PDK3: variants seen among roughly 807,000 people sequenced by gnomAD.
PDK3 encodes the protein pyruvate dehydrogenase kinase, isozyme 3.
Under a neutral mutation model 32.0 loss-of-function variants are expected in PDK3, and 12 were observed. That is an observed-to-expected ratio of 0.37 (90% CI 0.24 to 0.61). The LOEUF is 0.61. Ranked by LOEUF, PDK3 falls within the 20% of genes least tolerant of loss-of-function variation. The pLI, the probability that PDK3 is intolerant of heterozygous loss-of-function variation, is 0.65. For synonymous variants in PDK3, 122 were observed against 116.3 expected, an observed-to-expected ratio of 1.05 and a Z score of -0.31; for missense variants, 188 against 316.9, an observed-to-expected ratio of 0.59 and a Z score of 3.09.
At chrX:24,495,928 G>A (rs759473253) in intron 2 of PDK3, among the ~76,000 whole-genome samples, 1 of 111,984 alleles carries the variant, frequency 8.9e-6, no homozygotes, top group Non-Finnish European at 1.9e-5. Context: ...TATCATTCAG[G>A]TAGTTCCAAG....
rs140624135 is a variant in PDK3, at chrX:24,466,201, T to C, written c.106+640T>C. Among the ~76,000 whole-genome samples, 532 of 111,298 alleles carry C rather than the reference T, an allele frequency of 4.8e-3. 4 individuals carry two copies. Among genetic ancestry groups the C allele is most frequent in the African/African-American group, 0.016 (503 of 30,623 alleles). On this transcript the variant is annotated intron_variant, in intron 1 of 10. Coordinates refer to ENST00000379162, the MANE Select transcript of PDK3 (RefSeq NM_005391.5). ...CAGCACCTTTCGTTTCTCTTCTCCA[T>C]TGGTGTCCCACCCACATTCTCCCTG...
intron 5 of PDK3, among the ~76,000 whole-genome samples, chrX:24,507,630 T>C (rs1464622617): frequency 8.9e-6 from 1 of 112,484 alleles, no homozygotes; most frequent in Non-Finnish European, 1.9e-5. Flanking sequence ...TGGCTTCCCA[T>C]GTACGCCATT....
At chrX:24,512,229 T>C (rs1353449667) in intron 5 of PDK3, among the ~76,000 whole-genome samples, 2 of 111,772 alleles carry the variant, frequency 1.8e-5, no homozygotes, top group Non-Finnish European at 3.8e-5. Context: ...AGCTAGGAAA[T>C]AAAATGGAAA....
At chrX:24,529,930 G>A (rs1348756845) in intron 9 of PDK3, among the ~76,000 whole-genome samples, 1 of 111,530 alleles carries the variant, frequency 9.0e-6, no homozygotes, top group Non-Finnish European at 1.9e-5. Context: ...TCCACCCAGC[G>A]AACTCCTGCT....
chrX:24,525,594 C>T (rs369014318), intron 6 of PDK3, among the ~76,000 whole-genome samples: 1 of 111,722 alleles, frequency 9.0e-6, no homozygotes, highest in South Asian at 3.7e-4. Flanking sequence ...TATTGCTTCA[C>T]CTGGGTTTTG....
exon 12 of PDK3, chrX:24,548,845 T>C (rs993245873): frequency 3.6e-5 from 4 of 112,046 alleles, no homozygotes; most frequent in African/African-American, 1.3e-4. Context: ...GTGTCCGCCA[T>C]TGAGCCGTGC....
In PDK3 at chrX:24,498,874, C is replaced by A; in HGVS notation, c.294C>A (p.Ser98Arg). The part of the protein sequence containing the change: ...FLELLEYENK[S>R]PEDPQVLDNF... ...AACTTTTAGAATATGAAAATAAGAG[C>A]CCTGAGGATCCACAGGTCTTGGATA... Residue 98 changes from serine to arginine, a missense_variant, in exon 3 of 11, where the codon AGC becomes AGA. Coordinates refer to ENST00000379162, the MANE Select transcript of PDK3 (RefSeq NM_005391.5). 8.7e-7 allele frequency: 1 copy of A among 1,143,997 alleles called. No individual in the cohort carries two copies. The highest frequency in any genetic ancestry group is 1.2e-6 in the Non-Finnish European group (1 of 848,389). 94.3% of individuals were successfully genotyped at this position (1,143,997 alleles called of 1,213,427 possible). A position where few individuals can be genotyped will look rare whatever the true frequency, so the allele number is the denominator to read the frequency against.
rs1922719619 is a variant in PDK3, at chrX:24,534,092, T to C, written c.*20T>C. On this transcript the variant is annotated 3_prime_UTR_variant, in exon 11 of 11. Transcript: ENST00000379162. The stretch of plus-strand genomic sequence containing the variant: ...CAGTAATATACCACCTTGATTTCCA[T>C]TACAAAGTATCTGATTTGTCTGAAT... The C allele has an allele frequency of 5.9e-6, 7 of 1,185,210 alleles. No homozygotes were observed. Among genetic ancestry groups the C allele is most frequent in the Non-Finnish European group, 7.9e-6 (7 of 880,889 alleles).
chrX:24,521,713 C>T (rs1922402139), intron 6 of PDK3, among the ~76,000 whole-genome samples: 1 of 111,635 alleles, frequency 9.0e-6, no homozygotes, highest in Admixed American at 9.5e-5. Flanking sequence ...CATTCTGTCC[C>T]CGCTGAGGCT....
At chrX:24,482,831 C>T (rs917187189) in intron 1 of PDK3, among the ~76,000 whole-genome samples, 7 of 112,296 alleles carry the variant, frequency 6.2e-5, no homozygotes, top group African/African-American at 2.3e-4. Flanking sequence ...CAGTGTGAGC[C>T]TGGGCAAATC....
intron 1 of PDK3, among the ~76,000 whole-genome samples, chrX:24,478,197 C>T (rs1286161332): frequency 9.0e-6 from 1 of 111,395 alleles, no homozygotes; most frequent in Non-Finnish European, 1.9e-5. Flanking sequence ...GTAATCTCAG[C>T]ACTTTGGGAG....
intron 1 of PDK3, among the ~76,000 whole-genome samples, chrX:24,493,456 G>A (rs956300818): frequency 1.6e-4 from 18 of 111,521 alleles, no homozygotes; most frequent in African/African-American, 5.5e-4. Flanking sequence ...TCTCTGACTT[G>A]CTGCCTTCAT....
rs1291106490 is a variant in PDK3, at chrX:24,516,414, A to C, written c.596-2519A>C. Among the ~76,000 whole-genome samples, 4 of 112,140 alleles carry C rather than the reference A, an allele frequency of 3.6e-5. No individual in the cohort carries two copies. In the Admixed American group the frequency reaches 3.8e-4, roughly 11 times the overall value. On this transcript the variant is annotated intron_variant, in intron 5 of 10. Coordinates refer to ENST00000379162, the MANE Select transcript of PDK3 (RefSeq NM_005391.5). ...ATAAAGGTTCATAGCAGCACTATTC[A>C]TAATAGCCAAAAAGTGGAAACAACC...
chrX:24,544,391 T>C lies in PDK3; in HGVS notation c.*5227T>C, dbSNP rs543202528. On this transcript the variant is annotated 3_prime_UTR_variant, in exon 12 of 12. Coordinates refer to the PDK3 transcript ENST00000568479. ...TGAGATCGGCTCCAGAGTTGGTTTC[T>C]CTCCTCTGGTCCTGCTTCTCGCCGC... 6.4e-5 allele frequency among the ~76,000 whole-genome samples: 7 copies of C among 110,180 alleles called. No homozygotes were observed. In the South Asian group the frequency reaches 2.8e-3, roughly 43 times the overall value.
intron 8 of PDK3, among the ~76,000 whole-genome samples, 180 bp from the exon 9 acceptor site, chrX:24,527,896 G>A (rs948443523): frequency 5.4e-5 from 6 of 111,977 alleles, no homozygotes; most frequent in Admixed American, 3.8e-4. Flanking sequence ...GGATCCCACT[G>A]TACCATTCGG....
At position 24,518,929 on chromosome X, in the gene PDK3, G is replaced by A. The variant is rs1376497125; in HGVS notation, c.596-4G>A. 1 of 1,170,787 alleles carries A rather than the reference G, an allele frequency of 8.5e-7. No individual in the cohort carries two copies. Among genetic ancestry groups the A allele is most frequent in the Non-Finnish European group, 1.2e-6 (1 of 869,552 alleles). ...AGCAGCTAAACTTTTTCCTTTTCTT[G>A]CAGATGCATATGAAACAGCCAAGAT... On this transcript the variant is annotated splice_polypyrimidine_tract_variant and splice_region_variant and intron_variant, in intron 5 of 10. Coordinates refer to ENST00000379162, the MANE Select transcript of PDK3 (RefSeq NM_005391.5).
chrX:24,546,688 C>G (rs1923002873), exon 12 of PDK3: 1 of 111,654 alleles, frequency 9.0e-6, no homozygotes, highest in African/African-American at 3.3e-5. Flanking sequence ...TCCTCCATGC[C>G]TTAGAACATG....
intron 1 of PDK3, among the ~76,000 whole-genome samples, chrX:24,481,234 A>G (rs1321670410): frequency 1.8e-5 from 2 of 110,487 alleles, no homozygotes; most frequent in Non-Finnish European, 3.8e-5. Flanking sequence ...TAGTAGAGAC[A>G]GGGTTTCACC....
At chrX:24,489,399 T>G (rs944946440) in intron 1 of PDK3, among the ~76,000 whole-genome samples, 3 of 111,607 alleles carry the variant, frequency 2.7e-5, no homozygotes, top group African/African-American at 9.8e-5. Context: ...AATACGAACT[T>G]CTGGACTGAG....
Sources: allele counts gnomAD v4.1 joint callset (sites outside exome capture counted in the v4.1 genomes callset), GRCh38; gene constraint gnomAD v4.1.1; transcripts MANE v1.5; gene names NCBI Gene and HGNC (gene_info 2026-07-23, HGNC 2026-07-21).